Variants in HMBOX1 observed in about 807,000 individuals in gnomAD.
HMBOX1 encodes homeobox-containing protein 1.
A neutral mutation model predicts 54.5 loss-of-function variants in HMBOX1; 14 were observed. The observed-to-expected ratio is 0.26, with a 90% confidence interval of 0.17 to 0.40. HMBOX1 has a LOEUF of 0.40. HMBOX1 is among the 10% of genes least tolerant of loss of function. HMBOX1 has a pLI of 1.00. For synonymous variants in HMBOX1, 160 were observed against 181.0 expected, an observed-to-expected ratio of 0.88 and a Z score of 0.93; for missense variants, 332 against 514.4, an observed-to-expected ratio of 0.65 and a Z score of 3.43.
At chr8:29,030,544 A>G (rs960305440) in intron 6 of HMBOX1, among the ~76,000 whole-genome samples, 3 of 152,172 alleles carry the variant, frequency 2.0e-5, no homozygotes, top group Admixed American at 6.5e-5. Context: ...TTTAAAATCA[A>G]TTAGTAAATG....
intron 1 of HMBOX1, among the ~76,000 whole-genome samples, chr8:28,892,843 T>C (rs924097651): frequency 2.6e-5 from 4 of 152,216 alleles, no homozygotes; most frequent in African/African-American, 9.6e-5. Flanking sequence ...AATCATTTGT[T>C]TTAAGCTTGT....
chr8:29,039,541 CCTTTTCCCATTCAT>C (rs1338464634), intron 6 of HMBOX1, among the ~76,000 whole-genome samples: 2 of 152,098 alleles, frequency 1.3e-5, no homozygotes, highest in Non-Finnish European at 2.9e-5. Context: ...ACCTTTGTTT[CCTTTTCCCATTCAT>C]TTATTCCCTA....
intron 5 of HMBOX1, chr8:29,009,733 A>C: frequency 7.8e-7 from 1 of 1,287,480 alleles, no homozygotes; most frequent in Non-Finnish European, 1.0e-6. Flanking sequence ...TTGGGAAAGC[A>C]GAATGAAATC....
At chr8:28,963,092 C>A (rs1825880930) in intron 1 of HMBOX1, among the ~76,000 whole-genome samples, 1 of 152,178 alleles carries the variant, frequency 6.6e-6, no homozygotes, top group African/African-American at 2.4e-5. Context: ...TCAAGTGATT[C>A]TTCTGCCTCA....
intron 1 of HMBOX1, among the ~76,000 whole-genome samples, chr8:28,903,700 T>C (rs1383669040): frequency 6.6e-6 from 1 of 152,348 alleles, no homozygotes; most frequent in East Asian, 1.9e-4. Context: ...TTAAATGACT[T>C]AACTTGAACT....
At chr8:28,994,060 G>A (rs575257871) in intron 4 of HMBOX1, among the ~76,000 whole-genome samples, 8 of 151,914 alleles carry the variant, frequency 5.3e-5, no homozygotes, top group Admixed American at 3.9e-4. Flanking sequence ...CCAGTTATTC[G>A]GGAGACTGAG....
At chr8:28,983,854 C>T (rs1401198498) in intron 4 of HMBOX1, among the ~76,000 whole-genome samples, 1 of 152,126 alleles carries the variant, frequency 6.6e-6, no homozygotes, top group Non-Finnish European at 1.5e-5. Flanking sequence ...TTATATCAGG[C>T]CTGGGGAATG....
chr8:28,987,264 C>T (rs1205597279), intron 4 of HMBOX1, among the ~76,000 whole-genome samples: 1 of 152,128 alleles, frequency 6.6e-6, no homozygotes, highest in African/African-American at 2.4e-5. Flanking sequence ...GTTCTTGTTT[C>T]CTAAGATTAT....
chr8:29,049,986 C>CA (rs896628891), intron 9 of HMBOX1, among the ~76,000 whole-genome samples: 1 of 152,200 alleles, frequency 6.6e-6, no homozygotes, highest in African/African-American at 2.4e-5. Context: ...AATCTGTGAA[C>CA]ATCAGAAGGA....
chr8:28,919,695 A>G (rs758017709), intron 1 of HMBOX1, among the ~76,000 whole-genome samples: 5 of 152,184 alleles, frequency 3.3e-5, no homozygotes, highest in Admixed American at 1.3e-4. Flanking sequence ...ATAATTTTGG[A>G]TGTCATAGTA....
chr8:28,980,273 A>G (rs887338313), intron 4 of HMBOX1, 117 bp downstream of exon 4: 2 of 763,950 alleles, frequency 2.6e-6, no homozygotes, highest in African/African-American at 3.5e-5. Flanking sequence ...ACTTAGGCAT[A>G]ATTATGTATG....
chr8:28,909,393 C>T (rs913837574), intron 1 of HMBOX1, among the ~76,000 whole-genome samples: 3 of 152,016 alleles, frequency 2.0e-5, no homozygotes, highest in African/African-American at 4.8e-5. Flanking sequence ...GATACAAGTC[C>T]AAATATCAGT....
At chr8:29,050,378 T>C (rs1314560544) in intron 9 of HMBOX1, 1 of 229,768 alleles carries the variant, frequency 4.4e-6, no homozygotes. Context: ...AGCTTCACAC[T>C]AGTTCTAGGT....
chr8:28,942,992 C>T (rs1011531307), intron 1 of HMBOX1, among the ~76,000 whole-genome samples: 2 of 152,136 alleles, frequency 1.3e-5, no homozygotes, highest in Non-Finnish European at 1.5e-5. Flanking sequence ...TCTCTGATTC[C>T]TAGCTTCTAC....
At chr8:28,943,044 A>G (rs549388599) in intron 1 of HMBOX1, among the ~76,000 whole-genome samples, 2 of 152,154 alleles carry the variant, frequency 1.3e-5, no homozygotes, top group African/African-American at 4.8e-5. Context: ...TCACCATCTG[A>G]TTTTATTTGA....
intron 4 of HMBOX1, among the ~76,000 whole-genome samples, chr8:29,002,187 T>C (rs780938849): frequency 9.2e-5 from 14 of 152,188 alleles, no homozygotes; most frequent in Non-Finnish European, 1.5e-4. Context: ...CTCACTTGCA[T>C]TGGCTGTTAG....
At chr8:29,004,253 T>C (rs1047450212) in intron 4 of HMBOX1, among the ~76,000 whole-genome samples, 10 of 152,198 alleles carry the variant, frequency 6.6e-5, no homozygotes, top group African/African-American at 2.4e-4. Flanking sequence ...GATGACATTT[T>C]AAATCAATGT....
chr8:29,026,539 T>TA (rs753230079), intron 6 of HMBOX1, among the ~76,000 whole-genome samples: 2 of 152,108 alleles, frequency 1.3e-5, no homozygotes, highest in East Asian at 1.9e-4. Context: ...CAAGCTGCTT[T>TA]AAAAAAAGGC....
intron 1 of HMBOX1, among the ~76,000 whole-genome samples, chr8:28,939,148 G>T (rs933696356): frequency 6.6e-6 from 1 of 152,038 alleles, no homozygotes; most frequent in Non-Finnish European, 1.5e-5. Flanking sequence ...AATTAGCTGG[G>T]CATGGTGGCA....
Sources: allele counts gnomAD v4.1 joint callset (sites outside exome capture counted in the v4.1 genomes callset), GRCh38; gene constraint gnomAD v4.1.1; transcripts MANE v1.5; gene names NCBI Gene and HGNC (gene_info 2026-07-23, HGNC 2026-07-21).